WWP1: variants seen among roughly 807,000 people sequenced by gnomAD.
The protein encoded by WWP1 is WW domain containing E3 ubiquitin protein ligase 1.
WWP1 carries 49 observed loss-of-function variants against 130.6 expected under a neutral mutation model. That is an observed-to-expected ratio of 0.38 (90% CI 0.30 to 0.48). The LOEUF (loss-of-function observed/expected upper bound fraction) is 0.48, where lower values mean the gene tolerates loss of function less well. Among genes scored for constraint, WWP1 ranks in the 20% least tolerant of loss-of-function variants. The pLI is 0.99. For synonymous variants in WWP1, 332 were observed against 367.8 expected, an observed-to-expected ratio of 0.90 and a Z score of 1.11; for missense variants, 809 against 1,100.6, an observed-to-expected ratio of 0.74 and a Z score of 3.75.
At chr8:86,347,472 T>A (rs1822652979) in intron 1 of WWP1, among the ~76,000 whole-genome samples, 1 of 152,184 alleles carries the variant, frequency 6.6e-6, no homozygotes, top group Non-Finnish European at 1.5e-5. Context: ...CATCATTAGT[T>A]AAGAGCTGTA....
Position 86,450,048 on chromosome 8 carries a change from T to C in WWP1, c.2273+1535T>C, listed in dbSNP as rs184477397. 6.5e-3 allele frequency among the ~76,000 whole-genome samples: 994 copies of C among 152,292 alleles called. 10 individuals are homozygous for C. The highest frequency in any genetic ancestry group is 0.023 in the African/African-American group (953 of 41,564). ...TTTTGTGGGCTAGATTTTTAAAAAG[T>C]GAAGTTACTGGGTCAAAAAGTATTT... is the stretch of plus-strand genomic sequence containing the variant. On this transcript the variant is annotated intron_variant, in intron 20 of 24. Coordinates refer to ENST00000517970, the MANE Select transcript of WWP1 (RefSeq NM_007013.4).
At chr8:86,466,211 T>C (rs528620119) in intron 24 of WWP1, among the ~76,000 whole-genome samples, 2 of 152,348 alleles carry the variant, frequency 1.3e-5, no homozygotes, top group East Asian at 1.9e-4. Flanking sequence ...TTAAAATTTT[T>C]ATCAGTTAAT....
In WWP1 at chr8:86,392,344, C is replaced by T. The variant is rs181293443; in HGVS notation, c.335-5998C>T. On this transcript the variant is annotated intron_variant, in intron 5 of 24. Coordinates refer to ENST00000517970, the MANE Select transcript of WWP1 (RefSeq NM_007013.4). ...CATACACATTAGAGTATATTCAGAA[C>T]TTCACTTTGTGTTTCAATTTTGAGG... Among the ~76,000 whole-genome samples the T allele has an allele frequency of 6.4e-4, 98 of 152,280 alleles. 1 individual carries two copies. Among genetic ancestry groups the T allele is most frequent in the African/African-American group, 2.3e-3 (95 of 41,552 alleles).
intron 24 of WWP1, among the ~76,000 whole-genome samples, chr8:86,464,611 G>A (rs542366039): frequency 6.6e-6 from 1 of 152,186 alleles, no homozygotes; most frequent in Non-Finnish European, 1.5e-5. Flanking sequence ...AACCTCCTGG[G>A]TTCAAGCAAT....
At chr8:86,389,138 A>T (rs12335013) in intron 5 of WWP1, among the ~76,000 whole-genome samples, 2 of 151,936 alleles carry the variant, frequency 1.3e-5, no homozygotes, top group African/African-American at 2.4e-5. Flanking sequence ...TACAAAACAT[A>T]TAAAGAATAT....
intron 1 of WWP1, among the ~76,000 whole-genome samples, chr8:86,348,792 G>A (rs1423526910): frequency 6.6e-6 from 1 of 152,214 alleles, no homozygotes; most frequent in Non-Finnish European, 1.5e-5. Context: ...AACCAGGTGA[G>A]TGTTGTTTCA....
intron 21 of WWP1, 45 bp downstream of exon 21, chr8:86,452,724 G>A: frequency 6.2e-7 from 1 of 1,601,682 alleles, no homozygotes; most frequent in Non-Finnish European, 8.5e-7. Flanking sequence ...TTAGTGGGGG[G>A]AGGGACTAAT....
intron 12 of WWP1, 115 bp downstream of exon 12, chr8:86,430,866 A>G: frequency 6.4e-6 from 2 of 314,038 alleles, no homozygotes; most frequent in Non-Finnish European, 1.0e-5. Flanking sequence ...TCTCCCTTAT[A>G]TATGTCCCTT....
chr8:86,391,098 A>G (rs1021417157), intron 5 of WWP1, among the ~76,000 whole-genome samples: 2 of 152,174 alleles, frequency 1.3e-5, no homozygotes, highest in Non-Finnish European at 2.9e-5. Context: ...TAAACCCCCC[A>G]GACTCTCCTA....
At chr8:86,343,558 A>T (rs868318799) in intron 1 of WWP1, among the ~76,000 whole-genome samples, 20 of 151,232 alleles carry the variant, frequency 1.3e-4, no homozygotes, top group South Asian at 2.1e-4. Flanking sequence ...TTCTTTTTTT[A>T]AAAAAATTTA....
At chr8:86,393,478 A>G (rs1404690876) in intron 5 of WWP1, among the ~76,000 whole-genome samples, 1 of 152,046 alleles carries the variant, frequency 6.6e-6, no homozygotes, top group Non-Finnish European at 1.5e-5. Context: ...GAACTCCTCA[A>G]GTGATCCACC....
Position 86,427,821 on chromosome 8 carries a change from A to G in WWP1, c.1332+4A>G. On this transcript the variant is annotated splice_donor_region_variant and intron_variant, in intron 11 of 24. Coordinates refer to ENST00000517970, the MANE Select transcript of WWP1 (RefSeq NM_007013.4). ...TAACCAACGATACCTCTATTCGGTA[A>G]TTAGCAAATTGTAAGATGTTAACAT... The G allele has an allele frequency of 1.9e-6, 3 of 1,598,196 alleles. No homozygotes were observed. The highest frequency in any genetic ancestry group is 2.6e-6 in the Non-Finnish European group (3 of 1,171,278).
chr8:86,359,612 A>C (rs1823449997), intron 1 of WWP1, among the ~76,000 whole-genome samples: 1 of 151,864 alleles, frequency 6.6e-6, no homozygotes, highest in African/African-American at 2.4e-5. Context: ...TTTCTCTTCC[A>C]AATCTCAGAG....
At chr8:86,452,246 G>A (rs1811212532) in intron 20 of WWP1, among the ~76,000 whole-genome samples, 1 of 152,150 alleles carries the variant, frequency 6.6e-6, no homozygotes, top group East Asian at 1.9e-4. Flanking sequence ...GAAATAATTA[G>A]TGCTAGGATT....
intron 1 of WWP1, among the ~76,000 whole-genome samples, chr8:86,355,604 T>A (rs1465078772): frequency 6.6e-6 from 1 of 152,208 alleles, no homozygotes; most frequent in Non-Finnish European, 1.5e-5. Flanking sequence ...TGTCATGTTG[T>A]CCTGAATGCT....
chr8:86,432,899 C>T (rs1265591966), intron 14 of WWP1, among the ~76,000 whole-genome samples: 1 of 152,208 alleles, frequency 6.6e-6, no homozygotes, highest in Admixed American at 6.5e-5. Flanking sequence ...TGAGCCATCA[C>T]ACCCAGCCCA....
intron 1 of WWP1, among the ~76,000 whole-genome samples, chr8:86,362,275 T>A (rs1823713124): frequency 6.8e-6 from 1 of 147,518 alleles, no homozygotes; most frequent in Non-Finnish European, 1.5e-5. Context: ...CACCTTTTTT[T>A]TTTTCACATG....
intron 23 of WWP1, 69 bp downstream of exon 23, chr8:86,461,389 T>C: frequency 7.7e-7 from 1 of 1,305,394 alleles, no homozygotes; most frequent in Non-Finnish European, 1.1e-6. Flanking sequence ...GGACATACAA[T>C]AGACTTGATT....
intron 17 of WWP1, among the ~76,000 whole-genome samples, chr8:86,438,956 TTTTG>T (rs1810445249): frequency 6.6e-6 from 1 of 152,228 alleles, no homozygotes; most frequent in African/African-American, 2.4e-5. Context: ...TAGGATCTGA[TTTTG>T]TTTTTTTATA....
Sources: gnomAD v4.1 joint callset for allele counts (sites outside exome capture counted in the v4.1 genomes callset) on GRCh38, gnomAD v4.1.1 for gene constraint, MANE v1.5 for transcripts, NCBI Gene and HGNC (gene_info 2026-07-23, HGNC 2026-07-21) for gene names.